SSBP1: variants seen among roughly 807,000 people sequenced by gnomAD.
The protein encoded by SSBP1 is single-stranded DNA-binding protein, mitochondrial.
SSBP1 carries 20 observed loss-of-function variants against 27.0 expected under a neutral mutation model. That is an observed-to-expected ratio of 0.74 (90% CI 0.52 to 1.08). SSBP1 has a LOEUF of 1.08. Among genes scored for constraint, SSBP1 ranks in the 50% least tolerant of loss-of-function variants. The pLI, the probability that SSBP1 is intolerant of heterozygous loss-of-function variation, is 0.00. For synonymous variants in SSBP1, 59 were observed against 59.3 expected (o/e 1.00, Z 0.02); for missense variants, 137 against 182.4 (o/e 0.75, Z 1.44).
rs557639508 is a variant in SSBP1 at position 141,744,638 on chromosome 7, A to G, written c.314+649A>G. Among the ~76,000 whole-genome samples the G allele has an allele frequency of 3.3e-5, 5 of 152,356 alleles. No homozygotes were observed. The East Asian group carries it at 9.6e-4, about 29-fold the overall frequency. On this transcript the variant is annotated intron_variant, in intron 5 of 6. Transcript: ENST00000265304. ...AGAAAGAAAACATATTTTATGAAAAATAATTTAGCAATCACTAAAATTTTT... is the reference window on the plus strand; with the variant it reads ...AGAAAGAAAACATATTTTATGAAAAGTAATTTAGCAATCACTAAAATTTTT...
In SSBP1 at chr7:141,739,145, G is replaced by T; in HGVS notation, c.-22G>T. The T allele has an allele frequency of 6.3e-7, 1 of 1,589,806 alleles. No homozygotes were observed. Among genetic ancestry groups the T allele is most frequent in the South Asian group, 1.2e-5 (1 of 85,706 alleles). On this transcript the variant is annotated 5_prime_UTR_variant, in exon 2 of 7. Transcript: ENST00000265304. ...TCAGGAAAAGCCTAAAGATTAGACTGTAAGAAAAGAAAATAGAAGCCATGT... is the reference window on the plus strand; with the variant it reads ...TCAGGAAAAGCCTAAAGATTAGACTTTAAGAAAAGAAAATAGAAGCCATGT...
rs754071066 is a variant in SSBP1, at chr7:141,750,298, G to C, written c.404-13G>C. ...GTTCTGAAATTAATATTTACATTTTGGCTTTTTTACAGATAATATTATATT... is the reference window on the plus strand; with the variant it reads ...GTTCTGAAATTAATATTTACATTTTCGCTTTTTTACAGATAATATTATATT... On this transcript the variant is annotated splice_polypyrimidine_tract_variant and intron_variant, in intron 6 of 6. Coordinates refer to ENST00000265304, the MANE Select transcript of SSBP1 (RefSeq NM_003143.3). 6.4e-7 allele frequency: 1 copy of C among 1,567,810 alleles called. No homozygotes were observed. The highest frequency in any genetic ancestry group is 1.1e-5 in the South Asian group (1 of 87,606).
intron 6 of SSBP1, among the ~76,000 whole-genome samples, chr7:141,746,803 C>T (rs534347786): frequency 5.5e-4 from 83 of 152,058 alleles, no homozygotes; most frequent in African/African-American, 1.8e-3. Context: ...TGTCTGCAAG[C>T]GACATTAAGA....
chr7:141,743,010 A>T (rs552294968), intron 3 of SSBP1, among the ~76,000 whole-genome samples: 2 of 152,238 alleles, frequency 1.3e-5, no homozygotes, highest in South Asian at 4.1e-4. Context: ...GCCCGCCACC[A>T]CGCCCAGCTA....
At chr7:141,745,834 T>C (rs375173260) in intron 6 of SSBP1, 2 of 1,251,176 alleles carry the variant, frequency 1.6e-6, no homozygotes, top group African/African-American at 1.5e-5. Context: ...TAAAACTGAA[T>C]TATCCATCCC....
Position 141,744,341 on chromosome 7 carries a change from C to T in SSBP1, c.314+352C>T, listed in dbSNP as rs374878143. Reference sequence around the variant, plus strand: ...TGAGGAATTCCTGTGCCTCTGTGGCCGGGGATGCTGAGGGTGGCTTCTTGC... The same window carrying T: ...TGAGGAATTCCTGTGCCTCTGTGGCTGGGGATGCTGAGGGTGGCTTCTTGC... On this transcript the variant is annotated intron_variant, in intron 5 of 6. Coordinates refer to ENST00000265304, the MANE Select transcript of SSBP1 (RefSeq NM_003143.3). 1.2e-3 allele frequency among the ~76,000 whole-genome samples: 185 copies of T among 152,236 alleles called. 1 individual carries two copies. Among genetic ancestry groups the T allele is most frequent in the African/African-American group, 4.1e-3 (169 of 41,552 alleles).
At chr7:141,742,499 C>T (rs1263197972) in intron 3 of SSBP1, among the ~76,000 whole-genome samples, 2 of 152,184 alleles carry the variant, frequency 1.3e-5, no homozygotes, top group African/African-American at 4.8e-5. Flanking sequence ...TTATCTGAGT[C>T]TTCCCGGGTT....
intron 5 of SSBP1, among the ~76,000 whole-genome samples, chr7:141,744,559 G>T (rs1278705840): frequency 1.3e-5 from 2 of 152,086 alleles, no homozygotes; most frequent in African/African-American, 4.8e-5. Context: ...AAAACGGTGT[G>T]TGTAACAGCA....
intron 2 of SSBP1, chr7:141,741,752 A>C: frequency 1.0e-6 from 1 of 992,630 alleles, no homozygotes; most frequent in Non-Finnish European, 1.2e-6. Context: ...TTTCCAGCTA[A>C]TGAAAGCTGG....
intron 1 of SSBP1, 106 bp from the exon 2 acceptor site, chr7:141,739,018 T>C: frequency 1.8e-6 from 1 of 571,232 alleles, no homozygotes; most frequent in Non-Finnish European, 3.0e-6. Context: ...GGTCACAAAA[T>C]TGGAGTGCAT....
At chr7:141,745,445 A>G (rs1471977534) in intron 5 of SSBP1, 51 bp from the exon 6 acceptor site, 8 of 1,494,534 alleles carry the variant, frequency 5.4e-6, no homozygotes, top group Admixed American at 2.0e-5. Context: ...CCTGACTCTT[A>G]TAAAGCATAT....
intron 2 of SSBP1, 25 bp from the exon 3 acceptor site, chr7:141,742,144 A>G: frequency 6.4e-7 from 1 of 1,560,144 alleles, no homozygotes; most frequent in East Asian, 2.3e-5. Context: ...AATTAAAGCC[A>G]TGTTATTCAT....
chr7:141,750,448 T>C lies in SSBP1; in HGVS notation c.*94T>C. On this transcript the variant is annotated 3_prime_UTR_variant, in exon 7 of 7. Coordinates refer to ENST00000265304, the MANE Select transcript of SSBP1 (RefSeq NM_003143.3). ...CTTCCAAGGACAAGAATTAAAATAC[T>C]CTTTTACGTAAAATGAGTAATAATC... 2 of 1,048,206 alleles carry C rather than the reference T, an allele frequency of 1.9e-6. No individual in the cohort carries two copies. Among genetic ancestry groups the C allele is most frequent in the South Asian group, 1.7e-5 (1 of 60,536 alleles). 64.9% of individuals were successfully genotyped at this position (1,048,206 alleles called of 1,614,324 possible).
intron 3 of SSBP1, 36 bp from the exon 4 acceptor site, chr7:141,743,525 C>T: frequency 1.9e-6 from 3 of 1,610,912 alleles, no homozygotes; most frequent in East Asian, 2.2e-5. Flanking sequence ...CAGTCTATAG[C>T]AGGTTGTCTC....
intron 6 of SSBP1, among the ~76,000 whole-genome samples, chr7:141,747,862 G>A (rs1253073202): frequency 6.6e-6 from 1 of 151,186 alleles, no homozygotes; most frequent in Non-Finnish European, 1.5e-5. Context: ...GCCGGGTCTA[G>A]TAATGCGTGT....
At chr7:141,742,541 T>C (rs1219890962) in intron 3 of SSBP1, among the ~76,000 whole-genome samples, 3 of 152,206 alleles carry the variant, frequency 2.0e-5, no homozygotes, top group Admixed American at 6.5e-5. Flanking sequence ...GTAAAAGATA[T>C]TGTTTCTTCA....
chr7:141,748,554 G>GTGGGTCCCAATA lies in SSBP1; in HGVS notation c.404-1755_404-1744dup, dbSNP rs1260368277. Among the ~76,000 whole-genome samples, 3 of 152,136 alleles carry GTGGGTCCCAATA rather than the reference G, an allele frequency of 2.0e-5. No individual in the cohort carries two copies. The East Asian group carries it at 5.8e-4, about 29-fold the overall frequency. On this transcript the variant is annotated intron_variant, in intron 6 of 6. Transcript: ENST00000265304. ...AGTGTAGGTATTTTCCTACCCTCCT[G>GTGGGTCCCAATA]TGGGTCCCAATATAAACCACAAGTG...
intron 2 of SSBP1, chr7:141,740,124 A>T (rs1174987750): frequency 1.3e-5 from 2 of 152,180 alleles, no homozygotes; most frequent in Non-Finnish European, 2.9e-5. Flanking sequence ...TTGTCTGAGC[A>T]CTCAAATGAC....
chr7:141,747,536 C>T (rs200275114), intron 6 of SSBP1, among the ~76,000 whole-genome samples: 4 of 151,208 alleles, frequency 2.6e-5, no homozygotes, highest in African/African-American at 7.3e-5. Flanking sequence ...ACTACAGGCA[C>T]GCGCCACCAC....
Sources: allele counts gnomAD v4.1 joint callset (sites outside exome capture counted in the v4.1 genomes callset), GRCh38; gene constraint gnomAD v4.1.1; transcripts MANE v1.5; gene names NCBI Gene and HGNC (gene_info 2026-07-23, HGNC 2026-07-21).